Variants in C10orf90 observed in about 807,000 individuals in gnomAD.
C10orf90 encodes the protein (E2-independent) E3 ubiquitin-conjugating enzyme FATS.
In C10orf90, 56 loss-of-function variants were observed where a neutral mutation model predicts 62.5. The observed-to-expected ratio is 0.90, with a 90% CI of 0.72 to 1.12. The LOEUF (loss-of-function observed/expected upper bound fraction) is 1.12, where lower values mean the gene tolerates loss of function less well. Ranked by LOEUF, C10orf90 falls within the 50% of genes most tolerant of loss-of-function variation. C10orf90 has a pLI of 0.00. For missense variants in C10orf90, 970 were observed against 880.4 expected, an observed-to-expected ratio of 1.10 and a Z score of -1.29; for synonymous variants, 386 against 340.4, an observed-to-expected ratio of 1.13 and a Z score of -1.47.
At chr10:126,557,438 C>T (rs920485852) in intron 2 of C10orf90, among the ~76,000 whole-genome samples, 2 of 150,488 alleles carry the variant, frequency 1.3e-5, no homozygotes, top group African/African-American at 4.9e-5. Flanking sequence ...GGAGATCATG[C>T]CACTGCACTC....
At chr10:126,449,591 C>T (rs1859035579) in intron 7 of C10orf90, among the ~76,000 whole-genome samples, 1 of 152,240 alleles carries the variant, frequency 6.6e-6, no homozygotes, top group African/African-American at 2.4e-5. Flanking sequence ...AAAGAGTGAA[C>T]TCACCTCTGC....
At chr10:126,486,779 G>T (rs1284628321) in intron 4 of C10orf90, among the ~76,000 whole-genome samples, 1 of 152,006 alleles carries the variant, frequency 6.6e-6, no homozygotes, top group Non-Finnish European at 1.5e-5. Flanking sequence ...TTTAATGAAA[G>T]CATCATAGAA....
intron 7 of C10orf90, among the ~76,000 whole-genome samples, chr10:126,433,801 T>C (rs1042467635): frequency 2.1e-4 from 32 of 152,318 alleles, no homozygotes; most frequent in African/African-American, 7.2e-4. Flanking sequence ...TCTGCCTGTA[T>C]AAAATTAAAG....
chr10:126,661,497 C>T (rs1321177677), intron 1 of C10orf90, among the ~76,000 whole-genome samples: 2 of 152,182 alleles, frequency 1.3e-5, no homozygotes, highest in African/African-American at 4.8e-5. Flanking sequence ...ACACCACCAC[C>T]TGTCATCTGC....
At position 126,453,863 on chromosome 10, in the gene C10orf90, G is replaced by T. The variant is rs957213148; in HGVS notation, c.2188+5177C>A. On this transcript the variant is annotated intron_variant, in intron 7 of 9. Coordinates refer to ENST00000488181, the MANE Select transcript of C10orf90 (RefSeq NM_001350921.2). The surrounding 1 kb of genome is among the most constrained non-coding windows in gnomAD (Gnocchi z 4.9). ...GGAACAGACAGGCTTCTCTCAGGTG[G>T]TTTGGGAACCCTGATCATGAGTGTT... 6.6e-6 allele frequency among the ~76,000 whole-genome samples: 1 copy of T among 152,162 alleles called. No homozygotes were observed. The highest frequency in any genetic ancestry group is 1.5e-5 in the Non-Finnish European group (1 of 68,016).
intron 4 of C10orf90, among the ~76,000 whole-genome samples, chr10:126,484,348 A>T (rs1379078426): frequency 1.3e-5 from 2 of 152,134 alleles, no homozygotes; most frequent in East Asian, 3.9e-4. Context: ...CTATACACCG[A>T]CTCAAATGGT....
intron 4 of C10orf90, among the ~76,000 whole-genome samples, chr10:126,478,758 T>A (rs1420700640): frequency 6.6e-6 from 1 of 152,114 alleles, no homozygotes; most frequent in Non-Finnish European, 1.5e-5. Flanking sequence ...GGTTCTGCTG[T>A]CCAACACCCC....
At chr10:126,612,484 C>T (rs546157642) in intron 2 of C10orf90, among the ~76,000 whole-genome samples, 4 of 152,316 alleles carry the variant, frequency 2.6e-5, no homozygotes, top group East Asian at 1.9e-4. Flanking sequence ...GTGAGAGACG[C>T]TAATCAGAGT....
intron 2 of C10orf90, among the ~76,000 whole-genome samples, chr10:126,631,365 G>A (rs544337828): frequency 3.3e-5 from 5 of 152,198 alleles, no homozygotes; most frequent in African/African-American, 4.8e-5. Flanking sequence ...TCCTCAAAAC[G>A]TTTGCAGATC....
In C10orf90 at chr10:126,546,662, C is replaced by G. The variant is rs77488645; in HGVS notation, c.314-32723G>C. 8.7e-4 allele frequency among the ~76,000 whole-genome samples: 133 copies of G among 152,320 alleles called. No individual in the cohort carries two copies. The Middle Eastern group carries it at 0.01, about 12-fold the overall frequency. ...GCCCAGCAGCAATGAGGATTTCCCC[C>G]CTCTTGGGTGTCAACTGAAGCCTAG... On this transcript the variant is annotated intron_variant, in intron 2 of 9. Transcript: ENST00000488181.
chr10:126,625,034 C>T (rs1232137668), intron 2 of C10orf90, among the ~76,000 whole-genome samples: 1 of 152,208 alleles, frequency 6.6e-6, no homozygotes. Context: ...GGCATCAGGT[C>T]TGGGGCCCCC....
intron 2 of C10orf90, among the ~76,000 whole-genome samples, chr10:126,524,310 G>C (rs544424045): frequency 6.6e-6 from 1 of 152,296 alleles, no homozygotes; most frequent in Non-Finnish European, 1.5e-5. Flanking sequence ...GACCATGATG[G>C]ATATAAGCAG....
rs56142826 is a variant in C10orf90 at position 126,471,942 on chromosome 10, C to CACACAT, written c.1535-6957_1535-6956insATGTGT. ...CAGAAATAAAACACACACACACACA[C>CACACAT]GTGCACACACTCATGCCCATTTCCT... On this transcript the variant is annotated intron_variant, in intron 4 of 9. Coordinates refer to ENST00000488181, the MANE Select transcript of C10orf90 (RefSeq NM_001350921.2). Among the ~76,000 whole-genome samples the CACACAT allele has an allele frequency of 4.3e-4, 66 of 151,868 alleles. 1 individual carries two copies. The highest frequency in any genetic ancestry group is 7.8e-4 in the East Asian group (4 of 5,150).
chr10:126,633,360 GC>G (rs1329838792), intron 2 of C10orf90, among the ~76,000 whole-genome samples: 2 of 152,224 alleles, frequency 1.3e-5, no homozygotes, highest in Non-Finnish European at 2.9e-5. Context: ...GAGGTCACCA[GC>G]CCCTGCTGGC....
intron 2 of C10orf90, among the ~76,000 whole-genome samples, chr10:126,642,325 G>A (rs1340560758): frequency 6.6e-6 from 1 of 152,134 alleles, no homozygotes; most frequent in Non-Finnish European, 1.5e-5. Flanking sequence ...GAGGTCGGGA[G>A]ATCGAGACCA....
At chr10:126,542,537 A>G (rs554364298) in intron 2 of C10orf90, among the ~76,000 whole-genome samples, 9 of 152,192 alleles carry the variant, frequency 5.9e-5, no homozygotes, top group African/African-American at 2.2e-4. Context: ...TACTTTTTTT[A>G]AAAAAAGGTT....
At chr10:126,518,007 C>T (rs532182623) in intron 2 of C10orf90, among the ~76,000 whole-genome samples, 1 of 151,532 alleles carries the variant, frequency 6.6e-6, no homozygotes, top group Admixed American at 6.6e-5. Context: ...TCTGAGATGA[C>T]ATCCTTGCTT....
chr10:126,593,290 T>C (rs1324515737), intron 2 of C10orf90, among the ~76,000 whole-genome samples: 3 of 152,188 alleles, frequency 2.0e-5, no homozygotes, highest in Non-Finnish European at 4.4e-5. Context: ...TCAATCCAAA[T>C]ACCCATCAGT....
intron 2 of C10orf90, among the ~76,000 whole-genome samples, chr10:126,641,190 T>A (rs1014652694): frequency 2.6e-5 from 4 of 152,218 alleles, no homozygotes; most frequent in Non-Finnish European, 5.9e-5. Flanking sequence ...GGTTCTGGGA[T>A]GTTTTTAAGG....
Sources: allele counts gnomAD v4.1 joint callset (sites outside exome capture counted in the v4.1 genomes callset), GRCh38; gene constraint gnomAD v4.1.1; non-coding constraint Gnocchi (gnomAD v3.1); transcripts MANE v1.5; gene names NCBI Gene and HGNC (gene_info 2026-07-23, HGNC 2026-07-21).